The following ATAT1 variants were observed in gnomAD, a reference collection of about 807,000 sequenced individuals.
ATAT1 encodes alpha-tubulin N-acetyltransferase 1.
ATAT1 carries 42 observed loss-of-function variants against 57.2 expected under a neutral mutation model. That is an observed-to-expected ratio of 0.73 (90% confidence interval 0.57 to 0.95). ATAT1 has a LOEUF of 0.95. Among genes scored for constraint, ATAT1 ranks in the 40% least tolerant of loss-of-function variants. ATAT1 has a pLI of 0.00. For synonymous variants in ATAT1, 168 were observed against 187.1 expected (o/e 0.90, Z 0.83); for missense variants, 454 against 523.7 (o/e 0.87, Z 1.30).
chr6:30,642,244 G>C lies in ATAT1; in HGVS notation c.685G>C (p.Glu229Gln). Residue 229 changes from glutamate to glutamine, a missense_variant, in exon 9 of 13, where the codon GAA (glutamate) becomes CAA (glutamine). By Grantham distance (29) the Glu-to-Gln change is conservative. Around this residue, in one of 3 missense-constraint regions of ATAT1, gnomAD observed 236 missense variants for 284.5 expected, o/e 0.83. Coordinates refer to ENST00000330083, the MANE Select transcript of ATAT1 (RefSeq NM_001031722.4). ...CAAGCCATACTCCTCTAGTGACCGA[G>C]AATGTAAGAGGGGCAAGGGTCGGGT... 6.2e-7 allele frequency: 1 copy of C among 1,614,152 alleles called. No individual in the cohort carries two copies.
At chr6:30,637,943 T>C (rs1764502373) in intron 6 of ATAT1, among the ~76,000 whole-genome samples, 2 of 152,110 alleles carry the variant, frequency 1.3e-5, no homozygotes, top group Non-Finnish European at 2.9e-5. Context: ...GCCACTGAAG[T>C]CCAGCCTGGC....
At chr6:30,643,752 T>G in intron 10 of ATAT1, 2 of 1,364,364 alleles carry the variant, frequency 1.5e-6, no homozygotes, top group Non-Finnish European at 1.9e-6. Flanking sequence ...TTTGTAGCTT[T>G]TCTTAACACA....
chr6:30,628,455 C>A, intron 6 of ATAT1, 25 bp downstream of exon 6: 2 of 1,539,664 alleles, frequency 1.3e-6, no homozygotes, highest in South Asian at 1.1e-5. Context: ...AGAATAGATC[C>A]CCACTGAGCA....
At position 30,626,979 on chromosome 6, in the gene ATAT1, A is replaced by C; in HGVS notation, c.-225A>C. On this transcript the variant is annotated 5_prime_UTR_variant, in exon 1 of 13. Transcript: ENST00000330083. ...GCCCCCAGCCCGCCGACCCGGAACC[A>C]CAACGCCGGCCCGGTGACAGCTCAA... The C allele has an allele frequency of 6.3e-7, 1 of 1,599,918 alleles. No individual in the cohort carries two copies. The highest frequency in any genetic ancestry group is 1.1e-5 in the South Asian group (1 of 89,160).
rs1466007862 is a variant in ATAT1, at chr6:30,645,945, G to A, written c.983G>A (p.Gly328Glu). The A allele has an allele frequency of 1.1e-5, 17 of 1,538,832 alleles. No individual in the cohort carries two copies. The highest frequency in any genetic ancestry group is 1.4e-5 in the Non-Finnish European group (16 of 1,141,708). The change falls in exon 11 of 13, where the codon GGG becomes GAG. Residue 328 changes from glycine (G) to glutamate (E), a missense_variant. Gly to Glu is a moderately conservative substitution (Grantham distance 98, BLOSUM62 -2). Transcript: ENST00000330083. ...CAAAGCTGCTGCTACAGCCGCCATG[G>A]GGGGGTGAATTCCTCATCCCCCAAT...
At chr6:30,634,512 G>A (rs1763588868) in intron 6 of ATAT1, among the ~76,000 whole-genome samples, 1 of 151,212 alleles carries the variant, frequency 6.6e-6, no homozygotes, top group Admixed American at 6.6e-5. Context: ...GCCTCCCAAA[G>A]TGCTCGAATT....
chr6:30,642,750 C>T lies in ATAT1; in HGVS notation c.689-18C>T, dbSNP rs1442096210. On this transcript the variant is annotated intron_variant, in intron 9 of 12. Transcript: ENST00000330083. ...TTTCTTCTTTTTCTGTCTTGCTCTT[C>T]ATTCTCCCTGTCCCCAGTTCTGAAG... 2 of 1,532,026 alleles carry T rather than the reference C, an allele frequency of 1.3e-6. No homozygotes were observed. The highest frequency in any genetic ancestry group is 9.0e-7 in the Non-Finnish European group (1 of 1,108,892). 94.9% of individuals were successfully genotyped at this position (1,532,026 alleles called of 1,614,324 possible). A position where few individuals can be genotyped will look rare whatever the true frequency, so the allele number is the denominator to read the frequency against.
intron 6 of ATAT1, among the ~76,000 whole-genome samples, chr6:30,631,840 C>T (rs1762947841): frequency 6.6e-6 from 1 of 152,008 alleles, no homozygotes; most frequent in African/African-American, 2.4e-5. Context: ...GCATCCCAGA[C>T]AGAAGGTACC....
rs1035299855 is a variant in ATAT1 at position 30,646,263 on chromosome 6, T to C, written c.1055+154T>C. The C allele has an allele frequency of 2.2e-5, 32 of 1,459,092 alleles. No homozygotes were observed. In the African/African-American group the frequency reaches 4.0e-4, roughly 18 times the overall value. 90.4% of individuals were successfully genotyped at this position (1,459,092 alleles called of 1,614,324 possible). A position where few individuals can be genotyped will look rare whatever the true frequency, so the allele number is the denominator to read the frequency against. ...TTCTACCTTACATCCTGCAAGCCCC[T>C]TTCCCCCACAGGTTCAACTCTGGTA... is the stretch of plus-strand genomic sequence containing the variant. On this transcript the variant is annotated intron_variant, in intron 12 of 12. Transcript: ENST00000330083.
chr6:30,643,221 G>A, intron 10 of ATAT1: 2 of 1,426,070 alleles, frequency 1.4e-6, no homozygotes, highest in South Asian at 3.1e-5. Flanking sequence ...TGGAGCCTAG[G>A]GACCCTGGCT....
Position 30,642,833 on chromosome 6 carries a change from G to GCCCCCCCCCCCC in ATAT1, c.757_758insCCCCCCCCCCCC (p.Ala252_His253insProProProPro). ...GGCCCCTCGCCGCGCCACACCTCCA[G>GCCCCCCCCCCCC]CCCACCCACCCCCCCGCTCCAGCAG... On this transcript the variant is annotated inframe_insertion, in exon 10 of 13. Coordinates refer to ENST00000330083, the MANE Select transcript of ATAT1 (RefSeq NM_001031722.4). 1.0e-5 allele frequency: 16 copies of GCCCCCCCCCCCC among 1,537,866 alleles called. No individual in the cohort carries two copies. The highest frequency in any genetic ancestry group is 7.1e-5 in the East Asian group (3 of 42,458).
At chr6:30,641,705 G>A in intron 8 of ATAT1, 1 of 854,542 alleles carries the variant, frequency 1.2e-6, no homozygotes, top group Non-Finnish European at 1.4e-6. Flanking sequence ...ATAGGAAGGA[G>A]AGATTGTGCC....
intron 10 of ATAT1, chr6:30,643,910 G>A: frequency 8.6e-7 from 1 of 1,162,246 alleles, no homozygotes. Context: ...CACCATGGAA[G>A]GTCTAAGGGC....
At chr6:30,634,503 C>T (rs1763587357) in intron 6 of ATAT1, among the ~76,000 whole-genome samples, 4 of 151,272 alleles carry the variant, frequency 2.6e-5, no homozygotes, top group Non-Finnish European at 4.4e-5. Context: ...CCTACCTCGG[C>T]CTCCCAAAGT....
chr6:30,628,195 C>T, intron 5 of ATAT1, 50 bp downstream of exon 5: 2 of 1,563,078 alleles, frequency 1.3e-6, no homozygotes, highest in Non-Finnish European at 1.8e-6. Flanking sequence ...CTCCTTTGCC[C>T]TGAGCCCTTC....
At chr6:30,641,097 C>A (rs1765309461) in intron 8 of ATAT1, among the ~76,000 whole-genome samples, 1 of 149,258 alleles carries the variant, frequency 6.7e-6, no homozygotes, top group Admixed American at 6.8e-5. Context: ...GTCCAGATTC[C>A]CCATCCCATA....
chr6:30,645,963 C>T lies in ATAT1; in HGVS notation c.1001C>T (p.Ser334Phe). ...CGCCATGGGGGGGTGAATTCCTCAT[C>T]CCCCAATACAGGTAAGTATTCACTC... Residue 334 changes from serine (S) to phenylalanine (F), a missense_variant, in exon 11 of 13, where the codon TCC becomes TTC. This residue lies in a region of ATAT1 where 216 missense variants were observed against 222.2 expected (regional missense o/e 0.97). Coordinates refer to ENST00000330083, the MANE Select transcript of ATAT1 (RefSeq NM_001031722.4). 6.4e-7 allele frequency: 1 copy of T among 1,558,058 alleles called. No individual in the cohort carries two copies. Among genetic ancestry groups the T allele is most frequent in the Admixed American group, 1.9e-5 (1 of 51,594 alleles).
At chr6:30,629,244 CTTTTTTT>C (rs111725584) in intron 6 of ATAT1, among the ~76,000 whole-genome samples, 1 of 137,352 alleles carries the variant, frequency 7.3e-6, no homozygotes, top group Non-Finnish European at 1.6e-5. Flanking sequence ...CCTAATTTTT[CTTTTTTT>C]TTTTTTTTGT....
chr6:30,643,447 C>A (rs905181424), intron 10 of ATAT1: 9 of 1,543,992 alleles, frequency 5.8e-6, no homozygotes, highest in Non-Finnish European at 8.8e-7. Context: ...TTTCTCTTCA[C>A]CTCTGACTTC....
Sources: allele counts gnomAD v4.1 joint callset (sites outside exome capture counted in the v4.1 genomes callset), GRCh38; gene constraint gnomAD v4.1.1; regional missense constraint gnomAD v4.1.1; transcripts MANE v1.5; gene names NCBI Gene and HGNC (gene_info 2026-07-23, HGNC 2026-07-21).